The following GLIS3 variants were observed in gnomAD, a reference collection of about 807,000 sequenced individuals.
The protein encoded by GLIS3 is GLIS family zinc finger 3.
Under a neutral mutation model 78.6 loss-of-function variants are expected in GLIS3, and 53 were observed. That is an observed-to-expected ratio of 0.67 (90% CI 0.54 to 0.85). The LOEUF (loss-of-function observed/expected upper bound fraction) is 0.85. GLIS3 is among the 40% of genes least tolerant of loss of function. The probability of loss-of-function intolerance (pLI) is 0.00; values close to 1 mark genes in which losing one functional copy is unlikely to be tolerated. For synonymous variants in GLIS3, 684 were observed against 509.9 expected (o/e 1.34, Z -4.60); for missense variants, 1,703 against 1,231.1 (o/e 1.38, Z -5.74).
chr9:4,289,034 A>C (rs1400690285), intron 1 of GLIS3, among the ~76,000 whole-genome samples: 3 of 152,182 alleles, frequency 2.0e-5, no homozygotes, highest in African/African-American at 7.2e-5. Context: ...TATGATGAAG[A>C]TATAATCCTA....
the GLIS3 span, among the ~76,000 whole-genome samples, chr9:4,468,850 T>C: frequency 6.6e-6 from 1 of 152,112 alleles, no homozygotes; most frequent in Non-Finnish European, 1.5e-5. Flanking sequence ...GCAAATTGGA[T>C]AAAGAGTCAA....
At chr9:4,165,792 A>G (rs1294573646) in intron 2 of GLIS3, among the ~76,000 whole-genome samples, 3 of 152,258 alleles carry the variant, frequency 2.0e-5, no homozygotes, top group African/African-American at 7.2e-5. Flanking sequence ...GGGGATAACA[A>G]TAAGATAGTC....
At chr9:4,138,824 T>C (rs947235436) in intron 2 of GLIS3, among the ~76,000 whole-genome samples, 1 of 152,216 alleles carries the variant, frequency 6.6e-6, no homozygotes, top group Admixed American at 6.5e-5. Context: ...AAGTACTCTA[T>C]AAGCTGTAGG....
chr9:4,200,124 G>A (rs1423836833), intron 2 of GLIS3, among the ~76,000 whole-genome samples: 1 of 152,042 alleles, frequency 6.6e-6, no homozygotes, highest in African/African-American at 2.4e-5. Context: ...CAGAGATACA[G>A]CATACCAAAA....
chr9:4,192,595 A>C (rs929714353), intron 2 of GLIS3, among the ~76,000 whole-genome samples: 1 of 152,216 alleles, frequency 6.6e-6, no homozygotes, highest in Non-Finnish European at 1.5e-5. Flanking sequence ...TCATTTAACT[A>C]TTCCATTCCA....
intron 7 of GLIS3, among the ~76,000 whole-genome samples, chr9:3,882,735 C>T (rs192690310): frequency 2.0e-5 from 3 of 152,136 alleles, no homozygotes; most frequent in African/African-American, 7.2e-5. Context: ...CTTTTACGGC[C>T]CCATGAGAAC....
At chr9:4,458,331 C>A in the GLIS3 span, among the ~76,000 whole-genome samples, 1 of 152,182 alleles carries the variant, frequency 6.6e-6, no homozygotes, top group Non-Finnish European at 1.5e-5. Context: ...AAGGTCTCCC[C>A]TCAAGGAGCT....
chr9:4,240,537 T>C (rs1336874461), intron 2 of GLIS3, among the ~76,000 whole-genome samples: 1 of 152,114 alleles, frequency 6.6e-6, no homozygotes, highest in Non-Finnish European at 1.5e-5. Flanking sequence ...TAGTAAAAAT[T>C]ATAAACAAGA....
intron 2 of GLIS3, among the ~76,000 whole-genome samples, chr9:4,264,324 G>C (rs928199259): frequency 5.9e-5 from 9 of 152,156 alleles, no homozygotes; most frequent in Admixed American, 5.2e-4. Context: ...CATGATGCTA[G>C]TCCCAGCGAC....
chr9:4,061,371 C>G (rs1158289022), intron 4 of GLIS3, among the ~76,000 whole-genome samples: 1 of 152,034 alleles, frequency 6.6e-6, no homozygotes, highest in Non-Finnish European at 1.5e-5. Context: ...CAGCTTCATC[C>G]ATGTTCCTAC....
At chr9:4,344,779 C>T (rs924483157) in intron 2 of GLIS3, among the ~76,000 whole-genome samples, 1 of 152,238 alleles carries the variant, frequency 6.6e-6, no homozygotes, top group Non-Finnish European at 1.5e-5. Flanking sequence ...ATCTTCCCCA[C>T]TGCAGGAAGT....
chr9:4,228,399 C>T (rs1325629479), intron 2 of GLIS3, among the ~76,000 whole-genome samples: 1 of 152,110 alleles, frequency 6.6e-6, no homozygotes, highest in Non-Finnish European at 1.5e-5. Context: ...ACATAACCCT[C>T]CAGTGCAATG....
chr9:4,008,954 C>T (rs660812), intron 4 of GLIS3, among the ~76,000 whole-genome samples: 134,444 of 152,176 alleles, frequency 0.88, 59,501 homozygotes, highest in East Asian at 0.97. Context: ...CTTTCCACTA[C>T]AGCATGTGTT....
upstream of GLIS3, among the ~76,000 whole-genome samples, chr9:4,351,720 C>G (rs949770670): frequency 6.6e-6 from 1 of 151,920 alleles, no homozygotes; most frequent in East Asian, 1.9e-4. Flanking sequence ...CAAATGATAC[C>G]CAAAGGACTC....
intron 9 of GLIS3, 116 bp from the exon 10 acceptor site, chr9:3,829,608 C>G: frequency 3.2e-6 from 3 of 939,838 alleles, no homozygotes; most frequent in Non-Finnish European, 3.4e-6. Context: ...GCCTTTAACT[C>G]TTAAGGCCAC....
At chr9:4,378,618 CAGAA>C in the GLIS3 span, among the ~76,000 whole-genome samples, 11 of 152,186 alleles carry the variant, frequency 7.2e-5, no homozygotes, top group South Asian at 2.1e-4. Flanking sequence ...ATAATGAAAA[CAGAA>C]AGAGAGATTC....
chr9:4,159,454 C>A (rs5027092), intron 2 of GLIS3, among the ~76,000 whole-genome samples: 43,017 of 152,062 alleles, frequency 0.28, 6,163 homozygotes, highest in South Asian at 0.36. Context: ...CGCAGTGGCT[C>A]ATGTCTGTAA....
chr9:4,009,357 A>G (rs1821814071), intron 4 of GLIS3, among the ~76,000 whole-genome samples: 1 of 152,098 alleles, frequency 6.6e-6, no homozygotes, highest in Non-Finnish European at 1.5e-5. Flanking sequence ...ATCACTCCTC[A>G]TTTCCAACAG....
At chr9:3,859,520 G>C (rs73382298) in intron 8 of GLIS3, among the ~76,000 whole-genome samples, 1 of 152,090 alleles carries the variant, frequency 6.6e-6, no homozygotes, top group African/African-American at 2.4e-5. Flanking sequence ...TTGTAATGCC[G>C]AGGATAAATT....
Sources: allele counts gnomAD v4.1 joint callset (sites outside exome capture counted in the v4.1 genomes callset), GRCh38; gene constraint gnomAD v4.1.1; transcripts MANE v1.5; gene names NCBI Gene and HGNC (gene_info 2026-07-23, HGNC 2026-07-21).